Variants in DIDO1 observed in about 807,000 individuals in gnomAD.
DIDO1 encodes the protein death-inducer obliterator 1.
DIDO1 carries 16 observed loss-of-function variants against 99.4 expected under a neutral mutation model. The ratio of observed to expected loss-of-function variants is 0.16; its 90% CI spans 0.11 to 0.24. The LOEUF (loss-of-function observed/expected upper bound fraction) is 0.24, where lower values mean the gene tolerates loss of function less well. Ranked by LOEUF, DIDO1 falls within the 10% of genes least tolerant of loss-of-function variation. The pLI, the probability that DIDO1 is intolerant of heterozygous loss-of-function variation, is 1.00. For missense variants in DIDO1, 2,996 were observed against 3,014.0 expected (o/e 0.99, Z 0.14); for synonymous variants, 1,366 against 1,239.1 (o/e 1.10, Z -2.15).
rs779466829 is a variant in DIDO1 at position 62,879,479 on chromosome 20, TCGGTCG to T, written c.6471_6476del (p.Asp2158_Arg2159del). The T allele has an allele frequency of 1.3e-6, 2 of 1,583,346 alleles. No homozygotes were observed. Among genetic ancestry groups the T allele is most frequent in the South Asian group, 1.1e-5 (1 of 89,426 alleles). On this transcript the variant is annotated inframe_deletion, in exon 16 of 16. Coordinates refer to ENST00000395343, the MANE Select transcript of DIDO1 (RefSeq NM_001193369.2). This position sits in a 1 kb window ranked among gnomAD's most constrained non-coding sequence, Gnocchi z 6.3. ...CCTTGCCCCGGTCGGCCTCGCGCTC[TCGGTCG>T]CGGTTGGCGCTCCTCTCCCGGTTTC...
intron 1 of DIDO1, among the ~76,000 whole-genome samples, chr20:62,933,420 G>C (rs2065350403): frequency 6.6e-6 from 1 of 152,230 alleles, no homozygotes; most frequent in Non-Finnish European, 1.5e-5. Context: ...AAGTAAGGTG[G>C]TTTGATTTGC....
chr20:62,880,875 G>A lies in DIDO1; in HGVS notation c.5081C>T (p.Ala1694Val), dbSNP rs777269466. 2 of 1,612,488 alleles carry A rather than the reference G, an allele frequency of 1.2e-6. No individual in the cohort carries two copies. The highest frequency in any genetic ancestry group is 2.2e-5 in the South Asian group (2 of 91,086). ...GTCCTCATACTGGGCTGAGCCGAGA[G>A]CCTTGTCCTGCGACGCGAACCCCGG... ...TCPGFASQDK[A>V]LGSAQYEDPR... is the part of the protein sequence containing the mutation. The change falls in exon 16 of 16, where the codon GCT becomes GTT. Residue 1694 changes from alanine (A) to valine (V), a missense_variant. Ala to Val is a moderately conservative substitution (Grantham distance 64). This residue lies in a region of DIDO1 where 1,562 missense variants were observed against 1,412.6 expected (regional missense o/e 1.11). Coordinates refer to ENST00000395343, the MANE Select transcript of DIDO1 (RefSeq NM_001193369.2).
At position 62,881,021 on chromosome 20, in the gene DIDO1, G is replaced by T. The variant is rs748527415; in HGVS notation, c.4935C>A (p.Ala1645=). 37 of 1,604,268 alleles carry T rather than the reference G, an allele frequency of 2.3e-5. No homozygotes were observed. Among genetic ancestry groups the T allele is most frequent in the African/African-American group, 1.3e-4 (10 of 74,844 alleles). Residue 1645 remains alanine (A), a synonymous_variant, in exon 16 of 16, where the codon GCC becomes GCA. Transcript: ENST00000395343. This position sits in a 1 kb window ranked among gnomAD's most constrained non-coding sequence, Gnocchi z 8.3. The stretch of plus-strand genomic sequence containing the variant: ...GCCTGGCCGAGCTGTCTCCAACCGT[G>T]GCGGGGCGGGTGCCCTCCCCAGGCT... ...KAEPGEGTRP[A]TVGDSSARPA...
At chr20:62,922,965 T>C (rs1029289485) in intron 1 of DIDO1, among the ~76,000 whole-genome samples, 11 of 152,194 alleles carry the variant, frequency 7.2e-5, no homozygotes, top group South Asian at 2.1e-4. Flanking sequence ...ACAGACCAGT[T>C]TGAAAAATCA....
intron 6 of DIDO1, among the ~76,000 whole-genome samples, chr20:62,901,091 G>A (rs778117635): frequency 1.3e-5 from 2 of 152,170 alleles, no homozygotes; most frequent in Non-Finnish European, 2.9e-5. Context: ...ACATGAATTC[G>A]CCTTTTATAA....
intron 6 of DIDO1, among the ~76,000 whole-genome samples, chr20:62,901,484 C>A (rs967385730): frequency 6.6e-6 from 1 of 152,182 alleles, no homozygotes; most frequent in Non-Finnish European, 1.5e-5. Flanking sequence ...ATCTCCCACA[C>A]GAGTAATTTA....
intron 8 of DIDO1, 127 bp from the exon 9 acceptor site, chr20:62,895,292 C>T (rs567248893): frequency 4.4e-5 from 36 of 815,522 alleles, no homozygotes; most frequent in East Asian, 3.7e-4. Context: ...GGCCCACTTG[C>T]GTGTGGCACT....
In DIDO1 at chr20:62,881,262, C is replaced by A. The variant is rs760657440; in HGVS notation, c.4694G>T (p.Arg1565Leu). ...CCCCTCACCGGTCTCAGTGGCCAGGCGCCTCGCCTGCCGGGGGTCCCTGTG... is the reference window on the plus strand; with the variant it reads ...CCCCTCACCGGTCTCAGTGGCCAGGAGCCTCGCCTGCCGGGGGTCCCTGTG... ...SNHRDPRQAR[R>L]LATETGEGEG... Residue 1565 changes from arginine (R) to leucine (L), a missense_variant, in exon 16 of 16, where the codon CGC becomes CTC. Around this residue, in one of 5 missense-constraint regions of DIDO1, gnomAD observed 1,562 missense variants for 1,412.6 expected, o/e 1.11. Coordinates refer to ENST00000395343, the MANE Select transcript of DIDO1 (RefSeq NM_001193369.2). The surrounding 1 kb of genome is among the most constrained non-coding windows in gnomAD (Gnocchi z 8.3). The A allele has an allele frequency of 6.2e-6, 10 of 1,601,700 alleles. No homozygotes were observed. The African/African-American group carries it at 1.1e-4, about 17-fold the overall frequency.
chr20:62,881,546 G>A lies in DIDO1; in HGVS notation c.4410C>T (p.Pro1470=), dbSNP rs1339353161. The change falls in exon 16 of 16, where the codon CCC becomes CCT. Residue 1470 remains proline (P), a synonymous_variant. Transcript: ENST00000395343. The surrounding 1 kb of genome is among the most constrained non-coding windows in gnomAD (Gnocchi z 8.3). ...GCATCTTCTGTTGCTCCACCAGGGAGGGCGTCGCAGCCCCGGCCACCGGCT... is the reference window on the plus strand; with the variant it reads ...GCATCTTCTGTTGCTCCACCAGGGAAGGCGTCGCAGCCCCGGCCACCGGCT... ...PAEPVAGAAT[P]SLVEQQKMLE... 3.7e-6 allele frequency: 6 copies of A among 1,611,654 alleles called. No homozygotes were observed. The highest frequency in any genetic ancestry group is 2.2e-5 in the South Asian group (2 of 91,084).
At position 62,892,842 on chromosome 20, in the gene DIDO1, A is replaced by G. The variant is rs1418006429; in HGVS notation, c.3222T>C (p.Tyr1074=). 1 of 1,614,000 alleles carries G rather than the reference A, an allele frequency of 6.2e-7. No individual in the cohort carries two copies. The highest frequency in any genetic ancestry group is 1.3e-5 in the African/African-American group (1 of 74,930). Residue 1074 remains tyrosine, a synonymous_variant, in exon 13 of 16, where the codon TAT becomes TAC. Coordinates refer to ENST00000395343, the MANE Select transcript of DIDO1 (RefSeq NM_001193369.2). ...GGTAATCAAAACACCCAGAGACAGG[A>G]TACGCCTTAGTGACAAATTTTGCCA... ...QSVAKFVTKA[Y]PVSGCFDYLS...
intron 14 of DIDO1, among the ~76,000 whole-genome samples, 171 bp from the exon 15 acceptor site, chr20:62,891,326 C>T (rs2064393354): frequency 6.6e-6 from 1 of 152,212 alleles, no homozygotes; most frequent in Admixed American, 6.5e-5. Flanking sequence ...GTGAGCCCAG[C>T]AGTGTCTGGA....
chr20:62,912,270 G>A (rs997480496), intron 2 of DIDO1, among the ~76,000 whole-genome samples: 11 of 152,146 alleles, frequency 7.2e-5, no homozygotes, highest in South Asian at 2.1e-4. Context: ...TGACCCTCAC[G>A]GGCACAATGT....
At chr20:62,888,463 C>T in intron 15 of DIDO1, 1 of 985,522 alleles carries the variant, frequency 1.0e-6, no homozygotes, top group Non-Finnish European at 1.2e-6. Flanking sequence ...CTGGGTCCTG[C>T]AGACCCTCAC....
chr20:62,891,902 C>T (rs2064406979), intron 14 of DIDO1, 85 bp downstream of exon 14: 2 of 1,109,302 alleles, frequency 1.8e-6, no homozygotes, highest in Middle Eastern at 2.2e-4. Flanking sequence ...TAAGTGTTAA[C>T]CCATCCAAAC....
chr20:62,912,568 C>G (rs111397220), intron 2 of DIDO1, among the ~76,000 whole-genome samples: 2,885 of 151,572 alleles, frequency 0.019, 84 homozygotes, highest in African/African-American at 0.064. Context: ...ATTTATGAAA[C>G]TTTTACTCTT....
intron 1 of DIDO1, among the ~76,000 whole-genome samples, chr20:62,935,957 G>A (rs561364528): frequency 3.3e-5 from 5 of 152,226 alleles, no homozygotes; most frequent in East Asian, 1.9e-4. Context: ...GAGGGGGCTC[G>A]AGCAGGACTT....
chr20:62,922,004 T>C (rs769428081), intron 1 of DIDO1, among the ~76,000 whole-genome samples: 4 of 149,180 alleles, frequency 2.7e-5, no homozygotes, highest in Non-Finnish European at 6.0e-5. Flanking sequence ...ATATACACTA[T>C]ATATATATCC....
At chr20:62,921,234 A>G (rs1006329280) in intron 1 of DIDO1, among the ~76,000 whole-genome samples, 5 of 152,216 alleles carry the variant, frequency 3.3e-5, no homozygotes, top group Admixed American at 2.6e-4. Context: ...CAGCATTTAA[A>G]TGACTCATTT....
At position 62,893,661 on chromosome 20, in the gene DIDO1, C is replaced by T. The variant is rs371481088; in HGVS notation, c.3101+5G>A. 106 of 1,591,324 alleles carry T rather than the reference C, an allele frequency of 6.7e-5. No homozygotes were observed. Among genetic ancestry groups the T allele is most frequent in the Middle Eastern group, 1.7e-4 (1 of 6,000 alleles). On this transcript the variant is annotated splice_donor_5th_base_variant and intron_variant, in intron 12 of 15. Transcript: ENST00000395343. Reference sequence around the variant, plus strand: ...GCTTGTTCAGACCACACCTGAAGTACGCACCTGATATTTGGTGACGGAGGA... The same window carrying T: ...GCTTGTTCAGACCACACCTGAAGTATGCACCTGATATTTGGTGACGGAGGA...
Sources: allele counts gnomAD v4.1 joint callset (sites outside exome capture counted in the v4.1 genomes callset), GRCh38; gene constraint gnomAD v4.1.1; regional missense constraint gnomAD v4.1.1; non-coding constraint Gnocchi (gnomAD v3.1); transcripts MANE v1.5; gene names NCBI Gene and HGNC (gene_info 2026-07-23, HGNC 2026-07-21).